ANLN: variants seen among roughly 807,000 people sequenced by gnomAD.
ANLN encodes the protein anillin.
A neutral mutation model predicts 135.1 loss-of-function variants in ANLN; 59 were observed. That is an observed-to-expected ratio of 0.44 (90% confidence interval 0.35 to 0.54). The LOEUF (loss-of-function observed/expected upper bound fraction) is 0.54. Among genes scored for constraint, ANLN ranks in the 20% least tolerant of loss-of-function variants. The pLI, the probability that ANLN is intolerant of heterozygous loss-of-function variation, is 0.00. For synonymous variants in ANLN, 406 were observed against 456.4 expected (o/e 0.89, Z 1.41); for missense variants, 1,182 against 1,340.0 (o/e 0.88, Z 1.84).
Position 36,399,147 on chromosome 7 carries a change from A to G in ANLN, c.241A>G (p.Asn81Asp). Reference sequence around the variant, plus strand: ...TGACAACACTGAAGTAGAAGTTTCTAACTTGGAAAATAAACAACCAGTTGA... The same window carrying G: ...TGACAACACTGAAGTAGAAGTTTCTGACTTGGAAAATAAACAACCAGTTGA... ...CSDNTEVEVS[N>D]LENKQPVEST... is the part of the protein sequence containing the mutation. The change falls in exon 3 of 24, where the codon AAC (asparagine) becomes GAC (aspartate). Residue 81 changes from asparagine to aspartate, a missense_variant. By Grantham distance (23) the Asn-to-Asp change is conservative. Transcript: ENST00000265748. 6.2e-7 allele frequency: 1 copy of G among 1,614,200 alleles called. No homozygotes were observed. Among genetic ancestry groups the G allele is most frequent in the Non-Finnish European group, 8.5e-7 (1 of 1,180,030 alleles).
intron 2 of ANLN, among the ~76,000 whole-genome samples, chr7:36,398,389 C>T (rs1786796726): frequency 1.3e-5 from 2 of 152,092 alleles, no homozygotes; most frequent in African/African-American, 4.8e-5. Context: ...GTTTCAAAAA[C>T]AGAAAACCTG....
At chr7:36,451,622 G>A (rs1194809258) in intron 23 of ANLN, among the ~76,000 whole-genome samples, 12 of 152,220 alleles carry the variant, frequency 7.9e-5, no homozygotes, top group Admixed American at 6.5e-4. Flanking sequence ...TACATGGAAT[G>A]AGCTTAACAA....
intron 2 of ANLN, 58 bp from the exon 3 acceptor site, chr7:36,399,021 A>G (rs2116524133): frequency 1.4e-6 from 2 of 1,436,050 alleles, no homozygotes; most frequent in Non-Finnish European, 9.5e-7. Flanking sequence ...TCTACCCTCA[A>G]GTTTTTCATG....
At chr7:36,393,057 G>T (rs145398377) in intron 1 of ANLN, among the ~76,000 whole-genome samples, 41 of 149,590 alleles carry the variant, frequency 2.7e-4, no homozygotes, top group African/African-American at 9.6e-4. Flanking sequence ...TCAGAGTCTC[G>T]TTCTCGCCCA....
In ANLN at chr7:36,419,471, A is replaced by G. The variant is rs1562801746; in HGVS notation, c.1861A>G (p.Ser621Gly). 4.3e-6 allele frequency: 7 copies of G among 1,613,226 alleles called. No individual in the cohort carries two copies. The highest frequency in any genetic ancestry group is 5.9e-6 in the Non-Finnish European group (7 of 1,179,900). The change falls in exon 10 of 24, where the codon AGT becomes GGT. Residue 621 changes from serine (S) to glycine (G), a missense_variant. Coordinates refer to ENST00000265748, the MANE Select transcript of ANLN (RefSeq NM_018685.5). ...APLAQTVGVV[S>G]PESLVSTPRL... ...ATTGGCACAAACAGTTGGTGTGGTA[A>G]GTCCAGAGGTAAGAAAAGGCTAACT...
At chr7:36,447,807 C>T (rs1364479771) in intron 22 of ANLN, among the ~76,000 whole-genome samples, 4 of 152,050 alleles carry the variant, frequency 2.6e-5, no homozygotes, top group Non-Finnish European at 5.9e-5. Context: ...TTAAAACTTA[C>T]GAATAGTTTG....
At chr7:36,402,202 T>C (rs75149678) in intron 3 of ANLN, among the ~76,000 whole-genome samples, 2 of 112,114 alleles carry the variant, frequency 1.8e-5, no homozygotes, top group African/African-American at 3.9e-5. Context: ...ACTTCTGCCT[T>C]CCAGGTTCAA....
intron 13 of ANLN, 68 bp from the exon 14 acceptor site, chr7:36,422,565 T>C: frequency 1.0e-5 from 14 of 1,401,040 alleles, no homozygotes; most frequent in Non-Finnish European, 1.3e-5. Context: ...CAGTACACTT[T>C]TTTGAATTTG....
rs147712146 is a variant in ANLN, at chr7:36,406,499, T to C, written c.806T>C (p.Leu269Ser). 2 of 1,586,002 alleles carry C rather than the reference T, an allele frequency of 1.3e-6. No individual in the cohort carries two copies. Among genetic ancestry groups the C allele is most frequent in the African/African-American group, 1.3e-5 (1 of 74,412 alleles). ...TCCCAAAGGGATGGCGATGCCTCTT[T>C]GAATAAAGCCCTATCCTCAAGTGCT... ...FCSQRDGDAS[L>S]NKALSSSADD... The change falls in exon 4 of 24, where the codon TTG becomes TCG. Residue 269 changes from leucine (L) to serine (S), a missense_variant. This residue lies in a region of ANLN where 1,022 missense variants were observed against 1,134.0 expected (regional missense o/e 0.90). Coordinates refer to ENST00000265748, the MANE Select transcript of ANLN (RefSeq NM_018685.5).
intron 5 of ANLN, among the ~76,000 whole-genome samples, chr7:36,408,479 G>T (rs1787280400): frequency 6.6e-6 from 1 of 152,096 alleles, no homozygotes; most frequent in South Asian, 2.1e-4. Context: ...TATATTTCGG[G>T]AGTACATTTG....
At chr7:36,448,254 A>G (rs540060891) in intron 22 of ANLN, among the ~76,000 whole-genome samples, 1 of 152,230 alleles carries the variant, frequency 6.6e-6, no homozygotes, top group South Asian at 2.1e-4. Flanking sequence ...GCTCAAAGGT[A>G]TCCGCCTGCC....
intron 9 of ANLN, among the ~76,000 whole-genome samples, chr7:36,418,827 C>T (rs550658973): frequency 1.3e-4 from 19 of 151,356 alleles, no homozygotes; most frequent in Non-Finnish European, 1.9e-4. Flanking sequence ...AATCTGGGCT[C>T]ACTGCAACCT....
intron 22 of ANLN, among the ~76,000 whole-genome samples, chr7:36,448,205 G>T (rs1362641248): frequency 6.6e-6 from 1 of 151,930 alleles, no homozygotes; most frequent in Non-Finnish European, 1.5e-5. Flanking sequence ...GTAGAGATGG[G>T]GTTTCACCAT....
Position 36,390,034 on chromosome 7 carries a change from C to T in ANLN, c.8C>T (p.Pro3Leu), listed in dbSNP as rs779142813. 3.2e-5 allele frequency: 52 copies of T among 1,613,910 alleles called. No individual in the cohort carries two copies. In the Admixed American group the frequency reaches 8.5e-4, roughly 26 times the overall value. MDPFTEKLLERTR... is the reference protein window; with the variant it reads MDLFTEKLLERTR... Reference sequence around the variant, plus strand: ...AGTCCGACGCCTGGGGCGATGGATCCGTTTACGGAGGTGAGTGAGTTTGCG... The same window carrying T: ...AGTCCGACGCCTGGGGCGATGGATCTGTTTACGGAGGTGAGTGAGTTTGCG... The change falls in exon 1 of 24, where the codon CCG becomes CTG. Residue 3 changes from proline (P) to leucine (L), a missense_variant. Physicochemically the swap from Pro to Leu is moderately conservative, Grantham distance 98. Around this residue, in one of 3 missense-constraint regions of ANLN, gnomAD observed 1,022 missense variants for 1,134.0 expected, o/e 0.90. Coordinates refer to ENST00000265748, the MANE Select transcript of ANLN (RefSeq NM_018685.5).
chr7:36,410,132 G>T (rs1787348792), intron 5 of ANLN, among the ~76,000 whole-genome samples: 1 of 152,152 alleles, frequency 6.6e-6, no homozygotes, highest in Admixed American at 6.5e-5. Context: ...TATGTAAGTT[G>T]TTGGAAGTTA....
At chr7:36,435,286 C>T (rs1445563040) in intron 20 of ANLN, among the ~76,000 whole-genome samples, 1 of 152,088 alleles carries the variant, frequency 6.6e-6, no homozygotes, top group Non-Finnish European at 1.5e-5. Context: ...CCATTCTTCT[C>T]ATCTCTGTTT....
At chr7:36,399,021 A>T in intron 2 of ANLN, 58 bp from the exon 3 acceptor site, 1 of 1,436,050 alleles carries the variant, frequency 7.0e-7, no homozygotes, top group Admixed American at 2.0e-5. Context: ...TCTACCCTCA[A>T]GTTTTTCATG....
intron 20 of ANLN, among the ~76,000 whole-genome samples, chr7:36,432,461 T>C (rs1788371156): frequency 1.3e-5 from 2 of 152,204 alleles, no homozygotes; most frequent in Admixed American, 1.3e-4. Context: ...TTAGAGTCTA[T>C]AGGTGTGTCT....
chr7:36,423,923 A>T lies in ANLN; in HGVS notation c.2583A>T (p.Thr861=). The T allele has an allele frequency of 6.2e-7, 1 of 1,612,016 alleles. No individual in the cohort carries two copies. ...ACTCTCTTAACGGTGATGCTCTGAC[A>T]TTCACTACTACATTTACTCTGTAAG... ...TSNSLNGDAL[T]FTTTFTLQDV... The change falls in exon 15 of 24, where the codon ACA becomes ACT. Residue 861 remains threonine, a synonymous_variant. Coordinates refer to ENST00000265748, the MANE Select transcript of ANLN (RefSeq NM_018685.5).
Sources: allele counts gnomAD v4.1 joint callset (sites outside exome capture counted in the v4.1 genomes callset), GRCh38; gene constraint gnomAD v4.1.1; regional missense constraint gnomAD v4.1.1; transcripts MANE v1.5; gene names NCBI Gene and HGNC (gene_info 2026-07-23, HGNC 2026-07-21).